Variants in PIR observed in about 807,000 individuals in gnomAD.
PIR encodes pirin (iron-binding nuclear protein).
PIR carries 22 observed loss-of-function variants against 24.2 expected under a neutral mutation model. That is an observed-to-expected ratio of 0.91 (90% CI 0.65 to 1.30). The LOEUF is 1.30. Ranked by LOEUF, PIR falls within the 50% of genes most tolerant of loss-of-function variation. The probability of loss-of-function intolerance (pLI) is 0.00; values close to 1 mark genes in which losing one functional copy is unlikely to be tolerated. For missense variants in PIR, 220 were observed against 220.3 expected (o/e 1.00, Z 0.01); for synonymous variants, 80 against 79.6 (o/e 1.00, Z -0.03).
At chrX:15,433,511 G>GGAAAGAAAGAAAGAAAGAAAGAAA (rs765522981) in intron 5 of PIR, among the ~76,000 whole-genome samples, 1 of 48,107 alleles carries the variant, frequency 2.1e-5, no homozygotes, top group Non-Finnish European at 3.7e-5. Flanking sequence ...AGGAGGAGGA[G>GGAAAGAAAGAAAGAAAGAAAGAAA]GAAAGAAAGA....
intron 3 of PIR, among the ~76,000 whole-genome samples, chrX:15,472,616 T>C: frequency 8.9e-6 from 1 of 112,073 alleles, no homozygotes; most frequent in Non-Finnish European, 1.9e-5. Flanking sequence ...ATAGTCAGAA[T>C]AGACAAATAA....
At chrX:15,429,629 G>A (rs931218475) in intron 5 of PIR, 1 of 111,921 alleles carries the variant, frequency 8.9e-6, no homozygotes, top group African/African-American at 3.3e-5. Context: ...GGCCAAGGTG[G>A]GTGGATCACG....
rs189576609 is a variant in PIR at position 15,471,005 on chromosome X, G to C, written c.189+8724C>G. ...GGTTTTTGTTTGTAATTGCAATGTGGTGTGGGTAGGATGTATAGGGAAATT... is the reference window on the plus strand; with the variant it reads ...GGTTTTTGTTTGTAATTGCAATGTGCTGTGGGTAGGATGTATAGGGAAATT... On this transcript the variant is annotated intron_variant, in intron 3 of 9. Transcript: ENST00000380420. 3.8e-3 allele frequency among the ~76,000 whole-genome samples: 419 copies of C among 110,653 alleles called. 2 individuals are homozygous for C. Among genetic ancestry groups the C allele is most frequent in the African/African-American group, 0.013 (406 of 30,349 alleles).
chrX:15,416,103 T>C (rs1924906503), intron 6 of PIR, among the ~76,000 whole-genome samples: 1 of 111,726 alleles, frequency 9.0e-6, no homozygotes, highest in Non-Finnish European at 1.9e-5. Context: ...AAAATGATGT[T>C]AAACTTCTTC....
intron 7 of PIR, among the ~76,000 whole-genome samples, chrX:15,400,383 C>T (rs188100935): frequency 2.7e-5 from 3 of 111,819 alleles, no homozygotes; most frequent in South Asian, 3.7e-4. Flanking sequence ...CACCCATTAC[C>T]CACGTGGTCC....
At chrX:15,434,646 G>A (rs1925687996) in intron 5 of PIR, among the ~76,000 whole-genome samples, 1 of 109,628 alleles carries the variant, frequency 9.1e-6, no homozygotes, top group Non-Finnish European at 1.9e-5. Flanking sequence ...CTGTGAGAGG[G>A]AATGGAAAAT....
chrX:15,403,754 G>A (rs191232815), intron 7 of PIR, among the ~76,000 whole-genome samples: 76 of 111,230 alleles, frequency 6.8e-4, no homozygotes, highest in African/African-American at 2.4e-3. Flanking sequence ...GTTGGAAAAA[G>A]CAAATATATT....
chrX:15,398,665 G>GTGTGT (rs1924263143), intron 7 of PIR, among the ~76,000 whole-genome samples: 1 of 36,363 alleles, frequency 2.8e-5, no homozygotes, highest in Non-Finnish European at 6.4e-5. Context: ...CCTTGAGGAG[G>GTGTGT]GAGGGTGTGT....
At chrX:15,439,502 A>G (rs984611252) in intron 5 of PIR, among the ~76,000 whole-genome samples, 3 of 112,233 alleles carry the variant, frequency 2.7e-5, no homozygotes, top group Non-Finnish European at 3.8e-5. Context: ...TCTGACTTAG[A>G]ACTTAGCACC....
intron 5 of PIR, among the ~76,000 whole-genome samples, chrX:15,448,471 A>T (rs1480849529): frequency 8.9e-6 from 1 of 112,068 alleles, no homozygotes; most frequent in Non-Finnish European, 1.9e-5. Context: ...CTGAGATGAG[A>T]TGGACTGCAT....
chrX:15,424,105 A>T (rs1453411582), intron 6 of PIR, among the ~76,000 whole-genome samples: 1 of 112,522 alleles, frequency 8.9e-6, no homozygotes, highest in East Asian at 2.8e-4. Context: ...ATATCAAAGA[A>T]ATACCTACAC....
intron 6 of PIR, among the ~76,000 whole-genome samples, chrX:15,416,475 GA>G (rs751914695): frequency 4.1e-3 from 458 of 110,871 alleles, no homozygotes; most frequent in South Asian, 0.01. Context: ...ATGAGAGAGA[GA>G]AAAAAAATCA....
intron 3 of PIR, among the ~76,000 whole-genome samples, chrX:15,466,006 G>GTTTTTTTTTTTTTTTTT (rs200803758): frequency 1.1e-4 from 7 of 63,126 alleles, no homozygotes; most frequent in African/African-American, 2.8e-4. Flanking sequence ...AATGGTGGCT[G>GTTTTTTTTTTTTTTTTT]TTTTTTTTTT....
intron 3 of PIR, among the ~76,000 whole-genome samples, chrX:15,463,502 A>C (rs1921401411): frequency 8.9e-6 from 1 of 112,133 alleles, no homozygotes; most frequent in Non-Finnish European, 1.9e-5. Flanking sequence ...ATACAGTGCA[A>C]ATCAGGGCTG....
chrX:15,458,332 A>C (rs1304472289), intron 4 of PIR, among the ~76,000 whole-genome samples: 6 of 111,761 alleles, frequency 5.4e-5, no homozygotes, highest in Non-Finnish European at 1.1e-4. Context: ...TTTAAAAATG[A>C]GATGAGAATA....
intron 7 of PIR, among the ~76,000 whole-genome samples, chrX:15,400,217 G>T (rs1010278875): frequency 2.7e-5 from 3 of 111,869 alleles, no homozygotes; most frequent in African/African-American, 9.7e-5. Flanking sequence ...CAGGGATTTG[G>T]CAATAGAAGA....
At chrX:15,411,619 T>C (rs890600351) in intron 6 of PIR, among the ~76,000 whole-genome samples, 1 of 110,757 alleles carries the variant, frequency 9.0e-6, no homozygotes, top group Non-Finnish European at 1.9e-5. Flanking sequence ...GATCACATAA[T>C]TGCCAGACCG....
At chrX:15,430,233 T>C (rs1341303080) in intron 5 of PIR, among the ~76,000 whole-genome samples, 3 of 111,379 alleles carry the variant, frequency 2.7e-5, no homozygotes, top group Non-Finnish European at 3.8e-5. Context: ...TTTCCTTTTT[T>C]TTCTGTTTCA....
At chrX:15,398,669 GGTGTGTGT>G (rs371177726) in intron 7 of PIR, among the ~76,000 whole-genome samples, 18 of 76,114 alleles carry the variant, frequency 2.4e-4, no homozygotes, top group Middle Eastern at 7.0e-3. Flanking sequence ...GAGGAGGGAG[GGTGTGTGT>G]GTGTGTGTGT....
Sources: gnomAD v4.1 joint callset for allele counts (sites outside exome capture counted in the v4.1 genomes callset) on GRCh38, gnomAD v4.1.1 for gene constraint, MANE v1.5 for transcripts, NCBI Gene and HGNC (gene_info 2026-07-23, HGNC 2026-07-21) for gene names.